Variants in ARHGAP22 observed in about 807,000 individuals in gnomAD.
ARHGAP22 encodes the protein rho GTPase-activating protein 22.
A neutral mutation model predicts 59.1 loss-of-function variants in ARHGAP22; 48 were observed. The ratio of observed to expected loss-of-function variants is 0.81; its 90% CI spans 0.64 to 1.03. The LOEUF (loss-of-function observed/expected upper bound fraction) is 1.03, where lower values mean the gene tolerates loss of function less well. Among genes scored for constraint, ARHGAP22 ranks in the 50% least tolerant of loss-of-function variants. The pLI, the probability that ARHGAP22 is intolerant of heterozygous loss-of-function variation, is 0.00. For synonymous variants in ARHGAP22, 445 were observed against 416.4 expected, an observed-to-expected ratio of 1.07 and a Z score of -0.84; for missense variants, 1,015 against 958.7, an observed-to-expected ratio of 1.06 and a Z score of -0.78.
chr10:48,524,164 G>C (rs1811058284), intron 3 of ARHGAP22: 1 of 1,172,264 alleles, frequency 8.5e-7, no homozygotes, highest in Non-Finnish European at 1.0e-6. Flanking sequence ...TGCGCCCCGG[G>C]GCGGCGCGGC....
At chr10:48,560,543 T>C (rs1160571354) in intron 2 of ARHGAP22, among the ~76,000 whole-genome samples, 2 of 152,184 alleles carry the variant, frequency 1.3e-5, no homozygotes, top group Non-Finnish European at 2.9e-5. Context: ...AAGTGTTTTA[T>C]GGAAGTGGTG....
intron 3 of ARHGAP22, among the ~76,000 whole-genome samples, chr10:48,541,730 C>G (rs1256009264): frequency 6.6e-6 from 1 of 152,216 alleles, no homozygotes; most frequent in Non-Finnish European, 1.5e-5. Flanking sequence ...CTGGTCCAGG[C>G]AGGCAGTCCT....
Position 48,454,095 on chromosome 10 carries a change from T to C in ARHGAP22, c.859A>G (p.Ile287Val), listed in dbSNP as rs773944645. Residue 287 changes from isoleucine (I) to valine (V), a missense_variant, in exon 7 of 10, where the codon ATC becomes GTC. Physicochemically the swap from Ile to Val is conservative, Grantham distance 29. Coordinates refer to ENST00000249601, the MANE Select transcript of ARHGAP22 (RefSeq NM_021226.4). The part of the protein sequence containing the change: ...PQANYNLLRY[I>V]CKFLDEVQAY... The stretch of plus-strand genomic sequence containing the variant: ...TCCTGCCAAGCCGCTTACTTGCAGA[T>C]GTATCTGAGCAGGTTGTAATTTGCC... The C allele has an allele frequency of 1.1e-5, 17 of 1,613,968 alleles. No individual in the cohort carries two copies. The Middle Eastern group carries it at 1.3e-3, about 125-fold the overall frequency.
intron 3 of ARHGAP22, among the ~76,000 whole-genome samples, chr10:48,494,144 G>C (rs1039135230): frequency 6.6e-6 from 1 of 150,736 alleles, no homozygotes; most frequent in Admixed American, 6.6e-5. Flanking sequence ...AAGCACCTCC[G>C]TATCCTCTAA....
intron 1 of ARHGAP22, 57 bp downstream of exon 1, chr10:48,604,706 C>G: frequency 6.2e-7 from 1 of 1,613,972 alleles, no homozygotes; most frequent in Non-Finnish European, 8.5e-7. Context: ...AGTGTCCGCG[C>G]ACGTTTGCCA....
At chr10:48,480,784 C>CAGAGGAATTA (rs1288985204) in intron 3 of ARHGAP22, among the ~76,000 whole-genome samples, 2 of 152,252 alleles carry the variant, frequency 1.3e-5, no homozygotes, top group Non-Finnish European at 2.9e-5. Flanking sequence ...AACTGAAGCA[C>CAGAGGAATTA]AGAGGAATTA....
intron 9 of ARHGAP22, among the ~76,000 whole-genome samples, chr10:48,449,060 G>C (rs977771931): frequency 8.5e-5 from 13 of 152,218 alleles, no homozygotes; most frequent in African/African-American, 3.1e-4. Context: ...GAGCAGGCCA[G>C]AGGAGCTCCA....
chr10:48,512,504 A>G (rs1053845548), intron 3 of ARHGAP22, among the ~76,000 whole-genome samples: 6 of 152,264 alleles, frequency 3.9e-5, no homozygotes, highest in Non-Finnish European at 7.3e-5. Context: ...TTATTTCAAC[A>G]AAACAATACT....
At chr10:48,620,639 C>A (rs12242483) in intron 1 of ARHGAP22, among the ~76,000 whole-genome samples, 15,940 of 152,150 alleles carry the variant, frequency 0.1, 1,944 homozygotes, top group African/African-American at 0.3. Context: ...TGCTCAGGAG[C>A]CATGCTGGGG....
At chr10:48,545,377 T>C (rs1419860127) in intron 3 of ARHGAP22, among the ~76,000 whole-genome samples, 1 of 152,170 alleles carries the variant, frequency 6.6e-6, no homozygotes, top group Non-Finnish European at 1.5e-5. Context: ...CTGAGAGAAG[T>C]GAGGCTAAGA....
chr10:48,497,818 C>T (rs2051096414), intron 3 of ARHGAP22, among the ~76,000 whole-genome samples: 1 of 152,202 alleles, frequency 6.6e-6, no homozygotes, highest in Non-Finnish European at 1.5e-5. Flanking sequence ...TCACTCTGCT[C>T]CATCCCCCAG....
At chr10:48,577,997 C>T (rs550251674) in intron 2 of ARHGAP22, among the ~76,000 whole-genome samples, 4 of 151,718 alleles carry the variant, frequency 2.6e-5, no homozygotes, top group Admixed American at 6.6e-5. Context: ...TTAGTAGAAA[C>T]GGGGTTTCAC....
intron 1 of ARHGAP22, among the ~76,000 whole-genome samples, chr10:48,593,869 T>G (rs980408962): frequency 3.3e-5 from 5 of 152,254 alleles, no homozygotes; most frequent in African/African-American, 1.2e-4. Context: ...TGCTCGTGTT[T>G]GTACACAGTT....
At chr10:48,574,315 G>A (rs1489837357) in intron 2 of ARHGAP22, among the ~76,000 whole-genome samples, 1 of 152,188 alleles carries the variant, frequency 6.6e-6, no homozygotes, top group Non-Finnish European at 1.5e-5. Context: ...ACCGCTAGGT[G>A]ATAGGAAAAG....
At chr10:48,571,385 C>G (rs1343767615) in intron 2 of ARHGAP22, among the ~76,000 whole-genome samples, 2 of 152,178 alleles carry the variant, frequency 1.3e-5, no homozygotes, top group Admixed American at 1.3e-4. Context: ...TTCAGTTATT[C>G]CTCCTATGGA....
chr10:48,497,224 C>T (rs907813945), intron 3 of ARHGAP22, among the ~76,000 whole-genome samples: 8 of 152,346 alleles, frequency 5.3e-5, no homozygotes, highest in Non-Finnish European at 7.3e-5. Flanking sequence ...TACTCAGCTG[C>T]AAAAGCAAAG....
the ARHGAP22 span, chr10:48,431,007 T>C: frequency 1.4e-5 from 9 of 623,246 alleles, no homozygotes; most frequent in African/African-American, 1.1e-4. Context: ...TGATCCATTG[T>C]TGAGTGTCAA....
intron 1 of ARHGAP22, among the ~76,000 whole-genome samples, chr10:48,618,011 T>C (rs1228385636): frequency 6.6e-6 from 1 of 151,832 alleles, no homozygotes; most frequent in Non-Finnish European, 1.5e-5. Context: ...ACATTACAAC[T>C]GAAACCACCT....
intron 3 of ARHGAP22, among the ~76,000 whole-genome samples, chr10:48,491,633 T>C (rs1010220892): frequency 9.2e-5 from 14 of 152,184 alleles, no homozygotes; most frequent in East Asian, 1.9e-4. Flanking sequence ...CTGAGATGAA[T>C]AGGAGGTTAG....
Sources: allele counts gnomAD v4.1 joint callset (sites outside exome capture counted in the v4.1 genomes callset), GRCh38; gene constraint gnomAD v4.1.1; transcripts MANE v1.5; gene names NCBI Gene and HGNC (gene_info 2026-07-23, HGNC 2026-07-21).